TTC17: variants seen among roughly 807,000 people sequenced by gnomAD.
TTC17 encodes the protein tetratricopeptide repeat protein 17.
A neutral mutation model predicts 143.8 loss-of-function variants in TTC17; 58 were observed. That is an observed-to-expected ratio of 0.40 (90% CI 0.33 to 0.50). The LOEUF is 0.50. Among genes scored for constraint, TTC17 ranks in the 20% least tolerant of loss-of-function variants. The pLI is 0.49. For missense variants in TTC17, 1,273 were observed against 1,392.5 expected, an observed-to-expected ratio of 0.91 and a Z score of 1.37; for synonymous variants, 501 against 497.8, an observed-to-expected ratio of 1.01 and a Z score of -0.09.
At chr11:43,430,823 C>T (rs1426895857) in intron 16 of TTC17, among the ~76,000 whole-genome samples, 1 of 151,446 alleles carries the variant, frequency 6.6e-6, no homozygotes, top group South Asian at 2.1e-4. Flanking sequence ...TTCTGGGATA[C>T]ATGTGCAGAA....
At chr11:43,457,811 G>T (rs188696432) in intron 21 of TTC17, among the ~76,000 whole-genome samples, 1 of 151,876 alleles carries the variant, frequency 6.6e-6, no homozygotes, top group Non-Finnish European at 1.5e-5. Flanking sequence ...CATAAGAAAC[G>T]TGATGGAAAA....
rs184624428 is a variant in TTC17, at chr11:43,462,474, C to G, written c.3030+11209C>G. On this transcript the variant is annotated intron_variant, in intron 21 of 23. Transcript: ENST00000039989. ...TTATGCAGCCACAAGCCAAGGAATGCCAGCAGCCACGAGAAACCAGAAGAG... is the reference window on the plus strand; with the variant it reads ...TTATGCAGCCACAAGCCAAGGAATGGCAGCAGCCACGAGAAACCAGAAGAG... Among the ~76,000 whole-genome samples, 200 of 152,298 alleles carry G rather than the reference C, an allele frequency of 1.3e-3. 1 individual carries two copies. Among genetic ancestry groups the G allele is most frequent in the Admixed American group, 0.013 (198 of 15,306 alleles).
intron 21 of TTC17, chr11:43,489,959 T>C (rs1948444421): frequency 8.8e-6 from 2 of 226,586 alleles, no homozygotes; most frequent in South Asian, 1.2e-4. Flanking sequence ...ATATGAGATA[T>C]AGTTCTGCTA....
At chr11:43,481,234 A>T (rs765535196) in intron 21 of TTC17, among the ~76,000 whole-genome samples, 3 of 124,550 alleles carry the variant, frequency 2.4e-5, no homozygotes, top group Non-Finnish European at 5.9e-5. Flanking sequence ...AGCAAACAAA[A>T]GAAAGATAGA....
intron 21 of TTC17, among the ~76,000 whole-genome samples, chr11:43,463,890 A>C (rs1223399458): frequency 6.6e-6 from 1 of 152,246 alleles, no homozygotes; most frequent in African/African-American, 2.4e-5. Flanking sequence ...TAAAAGACTA[A>C]TTGCATATGG....
intron 10 of TTC17, among the ~76,000 whole-genome samples, chr11:43,402,566 C>G (rs146769281): frequency 1.3e-5 from 2 of 151,814 alleles, no homozygotes; most frequent in African/African-American, 4.8e-5. Context: ...AGCCAGAATT[C>G]TGAGTATAAA....
intron 13 of TTC17, 61 bp downstream of exon 13, chr11:43,406,012 T>C: frequency 2.0e-6 from 3 of 1,530,576 alleles, no homozygotes; most frequent in Non-Finnish European, 2.6e-6. Context: ...AGAAGCCTCT[T>C]AAATGGAACA....
At chr11:43,440,261 C>G (rs951625836) in intron 16 of TTC17, among the ~76,000 whole-genome samples, 2 of 108 alleles carry the variant, frequency 0.019, no homozygotes, top group African/African-American at 0.071. Flanking sequence ...TTGTTACAAC[C>G]CCAGCCCTCA....
intron 8 of TTC17, 78 bp downstream of exon 8, chr11:43,398,191 T>C: frequency 1.3e-6 from 2 of 1,532,590 alleles, no homozygotes; most frequent in Admixed American, 3.9e-5. Flanking sequence ...GATATCAGTG[T>C]TAATTTGGTA....
intron 2 of TTC17, among the ~76,000 whole-genome samples, chr11:43,381,382 C>G (rs972897081): frequency 1.3e-5 from 2 of 152,080 alleles, no homozygotes; most frequent in Non-Finnish European, 2.9e-5. Context: ...GCTCCAAGGC[C>G]AGGAGCAGAC....
At chr11:43,472,107 A>G (rs1407192483) in intron 21 of TTC17, among the ~76,000 whole-genome samples, 1 of 152,194 alleles carries the variant, frequency 6.6e-6, no homozygotes, top group East Asian at 1.9e-4. Context: ...CTGTAATCCC[A>G]GCATTTTGGG....
intron 15 of TTC17, among the ~76,000 whole-genome samples, chr11:43,410,520 T>A (rs978028865): frequency 6.6e-6 from 1 of 152,206 alleles, no homozygotes; most frequent in Non-Finnish European, 1.5e-5. Flanking sequence ...TCATTTCAAG[T>A]TAAATTTTCT....
Position 43,433,352 on chromosome 11 carries a change from A to G in TTC17, c.2252-9973A>G, listed in dbSNP as rs1026231920. Among the ~76,000 whole-genome samples, 7 of 152,066 alleles carry G rather than the reference A, an allele frequency of 4.6e-5. No individual in the cohort carries two copies. In the East Asian group the frequency reaches 1.4e-3, roughly 29 times the overall value. On this transcript the variant is annotated intron_variant, in intron 16 of 23. Transcript: ENST00000039989. ...TAAGAACGTTAGTATTCACAATTCT[A>G]CTCTTAAAGCATGTAGCTTTTATGT...
intron 2 of TTC17, among the ~76,000 whole-genome samples, chr11:43,388,918 G>A (rs1857272543): frequency 6.6e-6 from 1 of 151,676 alleles, no homozygotes; most frequent in African/African-American, 2.4e-5. Context: ...TGAGGTTGCA[G>A]TGAGCTGTGA....
At chr11:43,379,370 A>C in intron 2 of TTC17, 48 bp downstream of exon 2, 3 of 1,516,476 alleles carry the variant, frequency 2.0e-6, no homozygotes, top group Non-Finnish European at 2.7e-6. Flanking sequence ...GTTGCATTTC[A>C]CAGGAGCCAT....
intron 16 of TTC17, among the ~76,000 whole-genome samples, chr11:43,437,652 A>G (rs1320542449): frequency 6.6e-6 from 1 of 152,222 alleles, no homozygotes; most frequent in African/African-American, 2.4e-5. Context: ...AACTTTGGGA[A>G]GCATTTATTT....
chr11:43,385,338 A>ATT (rs1857130067), intron 2 of TTC17, among the ~76,000 whole-genome samples: 2 of 152,234 alleles, frequency 1.3e-5, no homozygotes, highest in African/African-American at 4.8e-5. Context: ...AATAATTTAC[A>ATT]AAGTTTTGTT....
intron 16 of TTC17, among the ~76,000 whole-genome samples, chr11:43,429,077 G>A (rs1412666648): frequency 6.6e-6 from 1 of 152,208 alleles, no homozygotes; most frequent in East Asian, 1.9e-4. Context: ...GGATAGAACA[G>A]GGCAGAGGAG....
chr11:43,433,793 G>C (rs570763216), intron 16 of TTC17, among the ~76,000 whole-genome samples: 1 of 152,104 alleles, frequency 6.6e-6, no homozygotes, highest in African/African-American at 2.4e-5. Flanking sequence ...AATGTTTGTC[G>C]TTTGCTTTTA....
Sources: gnomAD v4.1 joint callset for allele counts (sites outside exome capture counted in the v4.1 genomes callset) on GRCh38, gnomAD v4.1.1 for gene constraint, MANE v1.5 for transcripts, NCBI Gene and HGNC (gene_info 2026-07-23, HGNC 2026-07-21) for gene names.